BABAM2: variants seen among roughly 807,000 people sequenced by gnomAD.
BABAM2 encodes BRISC and BRCA1 A complex member 2.
A neutral mutation model predicts 54.7 loss-of-function variants in BABAM2; 31 were observed. The ratio of observed to expected loss-of-function variants is 0.57; its 90% CI spans 0.43 to 0.77. The LOEUF is 0.77. Ranked by LOEUF, BABAM2 falls within the 30% of genes least tolerant of loss-of-function variation. The probability of loss-of-function intolerance (pLI) is 0.00; values close to 1 mark genes in which losing one functional copy is unlikely to be tolerated. For missense variants in BABAM2, 364 were observed against 455.8 expected (o/e 0.80, Z 1.83); for synonymous variants, 167 against 162.9 (o/e 1.03, Z -0.19).
chr2:28,088,696 A>G (rs1380702307), intron 6 of BABAM2, among the ~76,000 whole-genome samples: 3 of 152,202 alleles, frequency 2.0e-5, no homozygotes, highest in Non-Finnish European at 4.4e-5. Flanking sequence ...AAAGGCATCT[A>G]TAGTTTTTAA....
chr2:27,899,039 G>A (rs1665561885), intron 2 of BABAM2, among the ~76,000 whole-genome samples: 1 of 151,598 alleles, frequency 6.6e-6, no homozygotes, highest in Admixed American at 6.6e-5. Context: ...TGAGACAGGT[G>A]GATCACTTGA....
intron 7 of BABAM2, among the ~76,000 whole-genome samples, chr2:28,133,717 A>T (rs1670285303): frequency 6.6e-6 from 1 of 152,250 alleles, no homozygotes; most frequent in Admixed American, 6.5e-5. Context: ...AGCAATTGGA[A>T]AAGAAAAGGG....
intron 7 of BABAM2, among the ~76,000 whole-genome samples, chr2:28,235,836 T>C (rs960490971): frequency 1.3e-5 from 2 of 152,026 alleles, no homozygotes; most frequent in Non-Finnish European, 2.9e-5. Flanking sequence ...TTAATTTTTT[T>C]TTTTGTAGAG....
intron 7 of BABAM2, among the ~76,000 whole-genome samples, chr2:28,212,091 A>G (rs891045798): frequency 4.6e-5 from 7 of 152,190 alleles, no homozygotes; most frequent in African/African-American, 1.4e-4. Context: ...AGAATGTCCT[A>G]TATTCTAGAA....
chr2:28,026,768 A>T (rs1318443584), intron 5 of BABAM2, among the ~76,000 whole-genome samples: 14 of 63,406 alleles, frequency 2.2e-4, no homozygotes, highest in African/African-American at 3.6e-4. Flanking sequence ...TATCTATATA[A>T]ATATATAAAA....
intron 7 of BABAM2, among the ~76,000 whole-genome samples, chr2:28,210,665 G>A (rs1404601046): frequency 1.3e-5 from 2 of 152,154 alleles, no homozygotes; most frequent in Non-Finnish European, 2.9e-5. Flanking sequence ...CAGGAGAAAG[G>A]AAAAGCGAGG....
intron 6 of BABAM2, among the ~76,000 whole-genome samples, chr2:28,056,190 T>C (rs1678397415): frequency 6.6e-6 from 1 of 152,130 alleles, no homozygotes; most frequent in South Asian, 2.1e-4. Flanking sequence ...AGCACTCTAA[T>C]GTGCAACAGG....
chr2:28,295,714 C>G (rs1687630121), intron 10 of BABAM2, among the ~76,000 whole-genome samples: 1 of 152,068 alleles, frequency 6.6e-6, no homozygotes, highest in African/African-American at 2.4e-5. Flanking sequence ...CCGGGCTGGT[C>G]TCGAACTCCT....
intron 2 of BABAM2, among the ~76,000 whole-genome samples, chr2:27,921,727 G>A (rs557115071): frequency 2.0e-5 from 3 of 152,114 alleles, no homozygotes; most frequent in East Asian, 3.8e-4. Context: ...GTAAATGCCC[G>A]ACAAATATTA....
chr2:28,105,249 A>G (rs1667418074), intron 6 of BABAM2, among the ~76,000 whole-genome samples: 1 of 152,200 alleles, frequency 6.6e-6, no homozygotes, highest in African/African-American at 2.4e-5. Context: ...GTATTGCTTT[A>G]GCATCTCTTC....
At chr2:28,122,132 C>G (rs13428826) in intron 6 of BABAM2, among the ~76,000 whole-genome samples, 20,046 of 152,076 alleles carry the variant, frequency 0.13, 1,566 homozygotes, top group Non-Finnish European at 0.18. Flanking sequence ...AGGAGAATGG[C>G]ATGAACCTGG....
At chr2:28,173,754 T>C (rs759678348) in intron 7 of BABAM2, among the ~76,000 whole-genome samples, 14 of 152,274 alleles carry the variant, frequency 9.2e-5, no homozygotes, top group Admixed American at 6.5e-5. Flanking sequence ...GTTTGATTTA[T>C]CAATTCGTCG....
chr2:28,113,192 A>G (rs952569881), intron 6 of BABAM2, among the ~76,000 whole-genome samples: 2 of 152,190 alleles, frequency 1.3e-5, no homozygotes, highest in African/African-American at 4.8e-5. Flanking sequence ...GCTGTGCAGA[A>G]GCTCTTTAGT....
At chr2:28,171,248 T>C (rs1674294051) in intron 7 of BABAM2, among the ~76,000 whole-genome samples, 1 of 152,212 alleles carries the variant, frequency 6.6e-6, no homozygotes, top group Admixed American at 6.5e-5. Context: ...TAATGATGAA[T>C]ATCTTTGTAC....
intron 10 of BABAM2, among the ~76,000 whole-genome samples, chr2:28,276,007 C>CAA (rs534951884): frequency 0.014 from 1,585 of 110,814 alleles, 32 homozygotes; most frequent in African/African-American, 0.049. Context: ...ATTTTTATCT[C>CAA]AAAAAAAAAA....
chr2:28,153,928 T>G (rs1238270793), intron 7 of BABAM2, among the ~76,000 whole-genome samples: 1 of 152,196 alleles, frequency 6.6e-6, no homozygotes, highest in Non-Finnish European at 1.5e-5. Context: ...AGAATACCCT[T>G]AGGGGAAAGA....
chr2:28,143,029 G>A (rs1671193417), intron 7 of BABAM2, among the ~76,000 whole-genome samples: 1 of 152,066 alleles, frequency 6.6e-6, no homozygotes, highest in Non-Finnish European at 1.5e-5. Context: ...TCTTAAAAGT[G>A]TAGATTAACT....
intron 7 of BABAM2, among the ~76,000 whole-genome samples, chr2:28,176,564 T>A (rs368810744): frequency 1.0e-4 from 1 of 9,856 alleles, no homozygotes; most frequent in Non-Finnish European, 2.0e-4. Context: ...AGTGAGACTC[T>A]ATCTCAAAAA....
chr2:28,034,871 C>T (rs1275059330), intron 5 of BABAM2, among the ~76,000 whole-genome samples: 2 of 152,120 alleles, frequency 1.3e-5, no homozygotes, highest in Admixed American at 6.5e-5. Context: ...TGGCAGCTTA[C>T]GTAGGTCTTT....
Sources: allele counts gnomAD v4.1 joint callset (sites outside exome capture counted in the v4.1 genomes callset), GRCh38; gene constraint gnomAD v4.1.1; transcripts MANE v1.5; gene names NCBI Gene and HGNC (gene_info 2026-07-23, HGNC 2026-07-21).